The following SYN3 variants were observed in gnomAD, a reference collection of about 807,000 sequenced individuals.
SYN3 encodes synapsin-3.
Under a neutral mutation model 65.8 loss-of-function variants are expected in SYN3, and 35 were observed. The observed-to-expected ratio is 0.53, with a 90% confidence interval of 0.41 to 0.70. The LOEUF (loss-of-function observed/expected upper bound fraction) is 0.70, where lower values mean the gene tolerates loss of function less well. SYN3 is among the 30% of genes least tolerant of loss of function. The pLI is 0.00. For synonymous variants in SYN3, 270 were observed against 292.9 expected (o/e 0.92, Z 0.80); for missense variants, 680 against 749.0 (o/e 0.91, Z 1.08).
chr22:32,510,158 G>T lies in SYN3; in HGVS notation c.*3534C>A, dbSNP rs1402583809. On this transcript the variant is annotated 3_prime_UTR_variant, in exon 14 of 14. Coordinates refer to ENST00000358763, the MANE Select transcript of SYN3 (RefSeq NM_003490.4). ...ACTAAAGGAGTGGGTTCGTAGCTGC[G>T]TTGGAGACTGCAGCACACCCGTAGC... 2.0e-5 allele frequency among the ~76,000 whole-genome samples: 3 copies of T among 152,188 alleles called. No individual in the cohort carries two copies. Among genetic ancestry groups the T allele is most frequent in the Non-Finnish European group, 4.4e-5 (3 of 68,032 alleles).
intron 6 of SYN3, among the ~76,000 whole-genome samples, chr22:32,653,419 G>A (rs4821081): frequency 2.0e-5 from 3 of 151,888 alleles, no homozygotes; most frequent in African/African-American, 7.3e-5. Context: ...TGCTGCCAAT[G>A]AAAAATGAAA....
intron 4 of SYN3, among the ~76,000 whole-genome samples, chr22:32,917,528 A>G (rs1471078896): frequency 6.6e-6 from 1 of 152,214 alleles, no homozygotes; most frequent in Non-Finnish European, 1.5e-5. Flanking sequence ...GCCACCGGGC[A>G]ATTTCTCCCA....
Position 32,509,781 on chromosome 22 carries a change from G to A in SYN3, c.*3911C>T, listed in dbSNP as rs2057672033. On this transcript the variant is annotated 3_prime_UTR_variant, in exon 14 of 14. Coordinates refer to ENST00000358763, the MANE Select transcript of SYN3 (RefSeq NM_003490.4). ...GATGGGGTTTCACCGTGTTAGCCAG[G>A]ATGGTCTCGATCTCCTGACCTAGTC... is the stretch of plus-strand genomic sequence containing the variant. 6.6e-6 allele frequency among the ~76,000 whole-genome samples: 1 copy of A among 152,058 alleles called. No individual in the cohort carries two copies. Among genetic ancestry groups the A allele is most frequent in the South Asian group, 2.1e-4 (1 of 4,822 alleles).
chr22:32,557,938 T>C (rs2058526983), intron 7 of SYN3, among the ~76,000 whole-genome samples: 1 of 152,246 alleles, frequency 6.6e-6, no homozygotes, highest in Non-Finnish European at 1.5e-5. Context: ...GGTCAGAAGT[T>C]TTTTCTCTGA....
intron 6 of SYN3, among the ~76,000 whole-genome samples, chr22:32,853,311 T>C (rs1012640559): frequency 3.3e-5 from 5 of 152,208 alleles, no homozygotes; most frequent in Admixed American, 3.3e-4. Context: ...ATGGCCGTGA[T>C]AGCTCGGTCG....
At chr22:32,554,860 T>C (rs774800746) in intron 7 of SYN3, among the ~76,000 whole-genome samples, 18 of 152,222 alleles carry the variant, frequency 1.2e-4, no homozygotes, top group Non-Finnish European at 2.1e-4. Context: ...ATTCGCTGCA[T>C]GGCCTTGGGT....
chr22:32,875,518 A>T (rs970316646), intron 4 of SYN3, among the ~76,000 whole-genome samples: 2 of 152,188 alleles, frequency 1.3e-5, no homozygotes, highest in Admixed American at 6.5e-5. Flanking sequence ...AAGCACTGGT[A>T]CCTGTGACTG....
chr22:32,742,524 AGGACACTGCTGTTTGAATACCTAGT>A (rs1457116216), intron 6 of SYN3, among the ~76,000 whole-genome samples: 4 of 152,160 alleles, frequency 2.6e-5, no homozygotes, highest in Non-Finnish European at 5.9e-5. Flanking sequence ...TCTTACACCA[AGGACACTGCTGTTTGAATACCTAGT>A]CTCTGCCAGG....
At chr22:32,993,637 C>A (rs1394988338) in intron 2 of SYN3, among the ~76,000 whole-genome samples, 4 of 152,244 alleles carry the variant, frequency 2.6e-5, no homozygotes, top group African/African-American at 9.6e-5. Flanking sequence ...AGCCACCATG[C>A]CCGGCCCAAA....
chr22:32,781,845 G>T (rs944899969), intron 6 of SYN3, among the ~76,000 whole-genome samples: 1 of 152,020 alleles, frequency 6.6e-6, no homozygotes. Context: ...TAGATTTACA[G>T]CAGACTATGC....
chr22:32,711,660 C>A (rs1237997178), intron 6 of SYN3, among the ~76,000 whole-genome samples: 2 of 152,184 alleles, frequency 1.3e-5, no homozygotes, highest in African/African-American at 4.8e-5. Flanking sequence ...CAACTTGCTA[C>A]CACTGGAAGA....
intron 7 of SYN3, among the ~76,000 whole-genome samples, chr22:32,563,735 T>C (rs892929600): frequency 1.3e-5 from 2 of 152,172 alleles, no homozygotes; most frequent in African/African-American, 4.8e-5. Flanking sequence ...AATGGCTCGA[T>C]CTCAGCTCAC....
chr22:32,517,602 A>C (rs1032306723), intron 13 of SYN3, among the ~76,000 whole-genome samples: 1 of 152,304 alleles, frequency 6.6e-6, no homozygotes, highest in East Asian at 1.9e-4. Context: ...TATACTCACA[A>C]TTATCTGTTT....
chr22:32,563,829 C>T (rs2058620775), intron 7 of SYN3, among the ~76,000 whole-genome samples: 1 of 152,166 alleles, frequency 6.6e-6, no homozygotes, highest in Non-Finnish European at 1.5e-5. Context: ...ACCACCATGC[C>T]TGGCTAATTT....
chr22:32,967,562 T>C (rs1479371818), intron 3 of SYN3, among the ~76,000 whole-genome samples: 1 of 152,216 alleles, frequency 6.6e-6, no homozygotes. Context: ...GACAATCTAA[T>C]AGATTAGTTT....
At position 32,960,709 on chromosome 22, in the gene SYN3, C is replaced by T. The variant is rs545637156; in HGVS notation, c.369+19936G>A. Among the ~76,000 whole-genome samples the T allele has an allele frequency of 2.0e-5, 3 of 152,292 alleles. No individual in the cohort carries two copies. The South Asian group carries it at 6.2e-4, about 32-fold the overall frequency. ...CAGGTGTCAGGCCTCTGCTGGGTTG[C>T]CGGGTACAAAGCCTGGGACACACTG... On this transcript the variant is annotated intron_variant, in intron 3 of 13. Transcript: ENST00000358763.
chr22:33,022,973 G>A (rs2053583895), intron 1 of SYN3, among the ~76,000 whole-genome samples: 1 of 152,154 alleles, frequency 6.6e-6, no homozygotes, highest in Non-Finnish European at 1.5e-5. Context: ...CACTAGCCAG[G>A]ACTGGGGCCC....
At chr22:32,807,355 A>T (rs12158804) in intron 6 of SYN3, among the ~76,000 whole-genome samples, 15 of 19,896 alleles carry the variant, frequency 7.5e-4, no homozygotes, top group African/African-American at 2.0e-3. Flanking sequence ...ATAAATATAT[A>T]ATATATAATA....
intron 7 of SYN3, 61 bp downstream of exon 7, chr22:32,596,613 A>C: frequency 6.4e-7 from 1 of 1,563,236 alleles, no homozygotes; most frequent in Non-Finnish European, 8.8e-7. Flanking sequence ...GGAGAGAGGA[A>C]CAGGTAGTCT....
Sources: gnomAD v4.1 joint callset for allele counts (sites outside exome capture counted in the v4.1 genomes callset) on GRCh38, gnomAD v4.1.1 for gene constraint, MANE v1.5 for transcripts, NCBI Gene and HGNC (gene_info 2026-07-23, HGNC 2026-07-21) for gene names.